Variants in MERTK observed in about 807,000 individuals in gnomAD.
The protein encoded by MERTK is MER proto-oncogene, tyrosine kinase, also known as tyrosine-protein kinase Mer.
A neutral mutation model predicts 99.3 loss-of-function variants in MERTK; 69 were observed. The observed-to-expected ratio is 0.70, with a 90% CI of 0.57 to 0.85. The LOEUF (loss-of-function observed/expected upper bound fraction) is 0.85. Among genes scored for constraint, MERTK ranks in the 40% least tolerant of loss-of-function variants. The probability of loss-of-function intolerance (pLI) is 0.00; values close to 1 mark genes in which losing one functional copy is unlikely to be tolerated. For synonymous variants in MERTK, 426 were observed against 467.6 expected (o/e 0.91, Z 1.15); for missense variants, 1,125 against 1,249.4 (o/e 0.90, Z 1.50).
At chr2:112,028,067 G>A (rs1288198549) in intron 18 of MERTK, 5 of 451,512 alleles carry the variant, frequency 1.1e-5, no homozygotes, top group Admixed American at 7.4e-5. Context: ...TTTGCCCGCC[G>A]CCATATAAAG....
At chr2:111,992,072 C>A (rs1221791095) in intron 8 of MERTK, among the ~76,000 whole-genome samples, 2 of 152,084 alleles carry the variant, frequency 1.3e-5, no homozygotes, top group Non-Finnish European at 2.9e-5. Flanking sequence ...TAAAGAAATT[C>A]TTTGACCTAC....
chr2:111,899,548 C>A (rs1684003693), intron 1 of MERTK, among the ~76,000 whole-genome samples: 1 of 151,848 alleles, frequency 6.6e-6, no homozygotes, highest in Non-Finnish European at 1.5e-5. Context: ...GACCGAGTCT[C>A]GCCCTGTCGC....
At chr2:111,934,620 C>T (rs1337330121) in intron 2 of MERTK, among the ~76,000 whole-genome samples, 2 of 152,066 alleles carry the variant, frequency 1.3e-5, no homozygotes, top group African/African-American at 2.4e-5. Context: ...GATATTAGCC[C>T]TTTGTCAGAT....
At chr2:112,004,224 T>A (rs967880983) in intron 13 of MERTK, among the ~76,000 whole-genome samples, 2 of 152,174 alleles carry the variant, frequency 1.3e-5, no homozygotes, top group Non-Finnish European at 2.9e-5. Flanking sequence ...GCATACATAC[T>A]GTCTGTCTTG....
In MERTK at chr2:112,021,594, C is replaced by T. The variant is rs1414628730; in HGVS notation, c.2349+13C>T. 1.2e-6 allele frequency: 2 copies of T among 1,607,192 alleles called. No individual in the cohort carries two copies. Among genetic ancestry groups the T allele is most frequent in the South Asian group, 1.1e-5 (1 of 90,956 alleles). On this transcript the variant is annotated intron_variant, in intron 17 of 18. Coordinates refer to ENST00000295408, the MANE Select transcript of MERTK (RefSeq NM_006343.3). ...TAAAAGTGATGTGGTATGTACACAG[C>T]TTTGATTCAGGGGTCCCACAGCACA...
At chr2:112,023,696 A>G (rs983476931) in intron 18 of MERTK, among the ~76,000 whole-genome samples, 4 of 152,198 alleles carry the variant, frequency 2.6e-5, no homozygotes, top group African/African-American at 7.2e-5. Context: ...CATTGCTGGT[A>G]GCTTGGTGAT....
At chr2:111,955,051 G>A (rs1290208223) in intron 4 of MERTK, among the ~76,000 whole-genome samples, 1 of 147,726 alleles carries the variant, frequency 6.8e-6, no homozygotes, top group East Asian at 1.9e-4. Context: ...ACATGCTGAT[G>A]TAAATAAAGC....
intron 7 of MERTK, among the ~76,000 whole-genome samples, chr2:111,980,631 G>A (rs891935194): frequency 6.6e-6 from 1 of 151,972 alleles, no homozygotes; most frequent in African/African-American, 2.4e-5. Flanking sequence ...TGTTGGCCAG[G>A]ATGGTCTCGA....
chr2:111,921,965 G>A (rs1684467568), intron 1 of MERTK, among the ~76,000 whole-genome samples: 1 of 152,166 alleles, frequency 6.6e-6, no homozygotes, highest in African/African-American at 2.4e-5. Flanking sequence ...AATAGAAAGA[G>A]CAGGAGTAAT....
rs772623897 is a variant in MERTK at position 112,028,482 on chromosome 2, T to A, written c.2618T>A (p.Val873Asp). Residue 873 changes from valine (V) to aspartate (D), a missense_variant, in exon 19 of 19, where the codon GTC becomes GAC. Transcript: ENST00000295408. Reference protein sequence around the residue: ...DVRNQADVIYVNTQLLESSEG... With the variant: ...DVRNQADVIYDNTQLLESSEG... Reference sequence around the variant, plus strand: ...CGGAACCAAGCAGACGTTATTTACGTCAATACACAGTTGCTGGAGAGCTCT... The same window carrying A: ...CGGAACCAAGCAGACGTTATTTACGACAATACACAGTTGCTGGAGAGCTCT... 6.2e-7 allele frequency: 1 copy of A among 1,614,176 alleles called. No homozygotes were observed. Among genetic ancestry groups the A allele is most frequent in the South Asian group, 1.1e-5 (1 of 91,084 alleles).
At chr2:111,973,090 T>A (rs1016123881) in intron 6 of MERTK, among the ~76,000 whole-genome samples, 4 of 152,136 alleles carry the variant, frequency 2.6e-5, no homozygotes, top group African/African-American at 9.7e-5. Flanking sequence ...TAATTTTAGC[T>A]CTCCCATGTA....
At chr2:111,954,277 A>G (rs1177174429) in intron 4 of MERTK, among the ~76,000 whole-genome samples, 4 of 152,188 alleles carry the variant, frequency 2.6e-5, no homozygotes, top group African/African-American at 9.7e-5. Flanking sequence ...CCTTCTTGCC[A>G]AGCTGCCTTC....
intron 15 of MERTK, among the ~76,000 whole-genome samples, chr2:112,017,037 A>G (rs1206633723): frequency 6.6e-6 from 1 of 152,228 alleles, no homozygotes; most frequent in Admixed American, 6.5e-5. Flanking sequence ...GTGAAAGAAC[A>G]AAGCTTCTAC....
chr2:111,927,223 T>G (rs1191384974), intron 1 of MERTK, among the ~76,000 whole-genome samples: 1 of 152,212 alleles, frequency 6.6e-6, no homozygotes, highest in Non-Finnish European at 1.5e-5. Flanking sequence ...CCATGAGAGT[T>G]GGCCCCCAAC....
In MERTK at chr2:111,975,276, A is replaced by G; in HGVS notation, c.961-13A>G. The stretch of plus-strand genomic sequence containing the variant: ...TTACTAATGCCCGGTCCTCATGTTT[A>G]CTCTTCGTTTAGGTCAAGGAAGCTG... On this transcript the variant is annotated splice_polypyrimidine_tract_variant and intron_variant, in intron 6 of 18. Transcript: ENST00000295408. 1 of 1,613,892 alleles carries G rather than the reference A, an allele frequency of 6.2e-7. No homozygotes were observed. Among genetic ancestry groups the G allele is most frequent in the Non-Finnish European group, 8.5e-7 (1 of 1,179,880 alleles).
chr2:111,991,458 T>G (rs1402691139), intron 8 of MERTK, among the ~76,000 whole-genome samples: 1 of 152,118 alleles, frequency 6.6e-6, no homozygotes, highest in Non-Finnish European at 1.5e-5. Flanking sequence ...ACTCCTGACC[T>G]CAGGTTATCT....
chr2:111,942,528 G>GGA (rs1684883103), intron 2 of MERTK, among the ~76,000 whole-genome samples: 1 of 152,098 alleles, frequency 6.6e-6, no homozygotes, highest in Admixed American at 6.5e-5. Context: ...CTCCTTATTT[G>GGA]GAGATATTTG....
At chr2:111,974,226 T>TAA (rs71385852) in intron 6 of MERTK, among the ~76,000 whole-genome samples, 28 of 58,188 alleles carry the variant, frequency 4.8e-4, no homozygotes, top group Non-Finnish European at 6.8e-4. Context: ...CCACCTCTAC[T>TAA]AAAAAAAAAA....
chr2:111,955,332 T>A (rs999778490), intron 4 of MERTK, among the ~76,000 whole-genome samples: 1 of 152,144 alleles, frequency 6.6e-6, no homozygotes, highest in African/African-American at 2.4e-5. Context: ...ACAAAGCCAA[T>A]CTCAAAGGTT....
Sources: allele counts gnomAD v4.1 joint callset (sites outside exome capture counted in the v4.1 genomes callset), GRCh38; gene constraint gnomAD v4.1.1; transcripts MANE v1.5; gene names NCBI Gene and HGNC (gene_info 2026-07-23, HGNC 2026-07-21).